Variants in SLC35D4 observed in about 807,000 individuals in gnomAD.
The protein encoded by SLC35D4 is UDP-N-acetylglucosamine transporter SLC35D4.
chr18:23,414,284 A>G, the SLC35D4 span, among the ~76,000 whole-genome samples: 28 of 145,426 alleles, frequency 1.9e-4, no homozygotes, highest in Non-Finnish European at 2.6e-4. Context: ...AAAGAAAAAG[A>G]AAAAGGAAAG....
the SLC35D4 span, among the ~76,000 whole-genome samples, chr18:23,434,868 T>C: frequency 6.6e-6 from 1 of 151,880 alleles, no homozygotes; most frequent in African/African-American, 2.4e-5. Context: ...AATGAAAATG[T>C]ACATCCAGGC....
chr18:23,409,339 T>C, the SLC35D4 span, among the ~76,000 whole-genome samples: 2 of 152,322 alleles, frequency 1.3e-5, no homozygotes, highest in Non-Finnish European at 2.9e-5. Flanking sequence ...GTACATATTA[T>C]TTACAACCTG....
chr18:23,394,025 C>T, the SLC35D4 span, among the ~76,000 whole-genome samples: 6 of 152,216 alleles, frequency 3.9e-5, no homozygotes, highest in African/African-American at 1.4e-4. Flanking sequence ...TATGGATGCA[C>T]AAGTATCTCT....
chr18:23,327,262 C>T, the SLC35D4 span, among the ~76,000 whole-genome samples: 13 of 152,156 alleles, frequency 8.5e-5, no homozygotes, highest in South Asian at 2.7e-3. Flanking sequence ...AATCCAGGAG[C>T]TGGTTTTTTG....
At chr18:23,415,579 A>T in the SLC35D4 span, among the ~76,000 whole-genome samples, 1 of 152,262 alleles carries the variant, frequency 6.6e-6, no homozygotes, top group Non-Finnish European at 1.5e-5. Context: ...CGGTGCTAAC[A>T]GATGTCCAGT....
chr18:23,297,992 T>C, the SLC35D4 span: 1 of 1,612,876 alleles, frequency 6.2e-7, no homozygotes, highest in Non-Finnish European at 8.5e-7. Flanking sequence ...TGAGTCTTTC[T>C]CTTGACCGTC....
chr18:23,401,435 A>G, the SLC35D4 span, among the ~76,000 whole-genome samples: 1 of 152,240 alleles, frequency 6.6e-6, no homozygotes, highest in Admixed American at 6.5e-5. Context: ...AATAGATGTC[A>G]GCACCCCCAA....
At chr18:23,294,903 G>A in the SLC35D4 span, among the ~76,000 whole-genome samples, 1 of 152,136 alleles carries the variant, frequency 6.6e-6, no homozygotes, top group African/African-American at 2.4e-5. Flanking sequence ...AGCTTTTGGG[G>A]CCAGTTCTGC....
At chr18:23,356,067 C>A in the SLC35D4 span, among the ~76,000 whole-genome samples, 1 of 152,156 alleles carries the variant, frequency 6.6e-6, no homozygotes, top group Non-Finnish European at 1.5e-5. This position sits in a 1 kb window ranked among gnomAD's most constrained non-coding sequence, Gnocchi z 4.1. Flanking sequence ...GAGTCCTTCC[C>A]AAGACCAAGC....
chr18:23,293,040 G>A, the SLC35D4 span, among the ~76,000 whole-genome samples: 1 of 152,102 alleles, frequency 6.6e-6, no homozygotes, highest in Non-Finnish European at 1.5e-5. Context: ...AGGAGTTCGG[G>A]ACCAGCCTGA....
chr18:23,368,281 A>T, the SLC35D4 span, among the ~76,000 whole-genome samples: 1 of 152,158 alleles, frequency 6.6e-6, no homozygotes, highest in Non-Finnish European at 1.5e-5. Context: ...CTGAGTCTGC[A>T]AGGTCCTCTC....
At chr18:23,335,656 G>T in the SLC35D4 span, among the ~76,000 whole-genome samples, 2 of 152,164 alleles carry the variant, frequency 1.3e-5, no homozygotes, top group African/African-American at 4.8e-5. Flanking sequence ...ACCTTTCTCT[G>T]TTTCTGACAG....
At chr18:23,420,265 T>G in the SLC35D4 span, among the ~76,000 whole-genome samples, 1 of 152,144 alleles carries the variant, frequency 6.6e-6, no homozygotes, top group Non-Finnish European at 1.5e-5. Context: ...ATTGCGCCAT[T>G]GCACTCCAGC....
At chr18:23,253,952 C>G in the SLC35D4 span, 1 of 1,611,134 alleles carries the variant, frequency 6.2e-7, no homozygotes, top group African/African-American at 1.3e-5. Context: ...TAGCCTTTTT[C>G]CTGGTGGCTG....
the SLC35D4 span, among the ~76,000 whole-genome samples, chr18:23,247,654 C>G: frequency 6.6e-6 from 1 of 152,228 alleles, no homozygotes; most frequent in Non-Finnish European, 1.5e-5. Context: ...ACTGGGCCGC[C>G]GGGCACCATG....
the SLC35D4 span, among the ~76,000 whole-genome samples, chr18:23,299,881 T>C: frequency 6.6e-6 from 1 of 152,202 alleles, no homozygotes; most frequent in Non-Finnish European, 1.5e-5. Flanking sequence ...CTTTCCTCTT[T>C]CCTACAGAAA....
chr18:23,246,425 T>C, the SLC35D4 span, among the ~76,000 whole-genome samples: 10 of 151,992 alleles, frequency 6.6e-5, no homozygotes, highest in East Asian at 3.9e-4. Context: ...GGAGTCTTGC[T>C]CTGTCGCCCA....
At chr18:23,421,341 A>T in the SLC35D4 span, 1 of 1,589,616 alleles carries the variant, frequency 6.3e-7, no homozygotes, top group Non-Finnish European at 8.6e-7. Flanking sequence ...TGAATCATGC[A>T]TGAGTCCAGC....
At chr18:23,275,889 T>C in the SLC35D4 span, among the ~76,000 whole-genome samples, 14,691 of 152,128 alleles carry the variant, frequency 0.097, 985 homozygotes, top group Admixed American at 0.22. Context: ...GTTTCTGGAA[T>C]AGGCAAATTC....
Sources: gnomAD v4.1 joint callset for allele counts (sites outside exome capture counted in the v4.1 genomes callset) on GRCh38, gnomAD v4.1.1 for gene constraint, Gnocchi (gnomAD v3.1) non-coding constraint, MANE v1.5 for transcripts, NCBI Gene and HGNC (gene_info 2026-07-23, HGNC 2026-07-21) for gene names.